ERC2: variants seen among roughly 807,000 people sequenced by gnomAD.
ERC2 encodes ELKS/RAB6-interacting/CAST family member 2.
ERC2 carries 42 observed loss-of-function variants against 114.8 expected under a neutral mutation model. The ratio of observed to expected loss-of-function variants is 0.37; its 90% CI spans 0.29 to 0.47. The LOEUF (loss-of-function observed/expected upper bound fraction) is 0.47. ERC2 is among the 20% of genes least tolerant of loss of function. ERC2 has a pLI of 0.99. For missense variants in ERC2, 939 were observed against 1,150.7 expected (o/e 0.82, Z 2.66); for synonymous variants, 454 against 425.5 (o/e 1.07, Z -0.82).
chr3:56,185,639 T>A (rs1266764256), intron 3 of ERC2, among the ~76,000 whole-genome samples: 1 of 152,206 alleles, frequency 6.6e-6, no homozygotes. Context: ...TTTGGAGGAA[T>A]GTGAATCTTT....
intron 14 of ERC2, among the ~76,000 whole-genome samples, chr3:55,785,134 T>C (rs917914771): frequency 1.2e-4 from 18 of 152,172 alleles, no homozygotes; most frequent in Admixed American, 3.9e-4. Flanking sequence ...GAAGGACATT[T>C]GACCCAAAGG....
At chr3:56,095,968 C>T (rs2078041484) in intron 6 of ERC2, among the ~76,000 whole-genome samples, 2 of 152,160 alleles carry the variant, frequency 1.3e-5, no homozygotes, top group African/African-American at 4.8e-5. Flanking sequence ...TCTTAACCTT[C>T]CACTTACTCA....
At chr3:55,631,634 G>T (rs2059763385) in intron 17 of ERC2, among the ~76,000 whole-genome samples, 1 of 152,210 alleles carries the variant, frequency 6.6e-6, no homozygotes, top group African/African-American at 2.4e-5. Flanking sequence ...AAAGAAGGTT[G>T]AGAAAATTTA....
chr3:56,424,800 AT>A (rs1032295799), intron 2 of ERC2, among the ~76,000 whole-genome samples: 1 of 152,122 alleles, frequency 6.6e-6, no homozygotes, highest in Non-Finnish European at 1.5e-5. Context: ...AGATGGACTC[AT>A]TTTTTTGTCC....
intron 14 of ERC2, among the ~76,000 whole-genome samples, chr3:55,749,562 T>TA (rs1189984891): frequency 6.6e-6 from 1 of 152,134 alleles, no homozygotes; most frequent in East Asian, 1.9e-4. Flanking sequence ...CAGTGCTCTG[T>TA]AAAATGCACC....
intron 7 of ERC2, among the ~76,000 whole-genome samples, chr3:56,049,124 A>G (rs2075631077): frequency 6.6e-6 from 1 of 152,172 alleles, no homozygotes; most frequent in African/African-American, 2.4e-5. Flanking sequence ...GGAGAATGCT[A>G]AGGACCTTTA....
At chr3:56,056,383 G>T (rs944535459) in intron 7 of ERC2, among the ~76,000 whole-genome samples, 1 of 152,136 alleles carries the variant, frequency 6.6e-6, no homozygotes, top group African/African-American at 2.4e-5. Context: ...TGAGAAACAG[G>T]AGAAACCTAC....
chr3:56,296,207 G>T lies in ERC2; in HGVS notation c.886C>A (p.Gln296Lys), dbSNP rs1288284676. The change falls in exon 3 of 18, where the codon CAA becomes AAA. Residue 296 changes from glutamine (Q) to lysine (K), a missense_variant. Transcript: ENST00000288221. ...EMELRIETQK[Q>K]TLNARDESIK... is the part of the protein sequence containing the mutation. The stretch of plus-strand genomic sequence containing the variant: ...GACTCATCTCGGGCATTGAGGGTTT[G>T]TTTCTGCGTTTCAATTCTCAGCTCC... 6.2e-7 allele frequency: 1 copy of T among 1,613,986 alleles called. No individual in the cohort carries two copies. Among genetic ancestry groups the T allele is most frequent in the Non-Finnish European group, 8.5e-7 (1 of 1,179,900 alleles).
chr3:55,784,782 C>A (rs2069349996), intron 14 of ERC2, among the ~76,000 whole-genome samples: 1 of 152,154 alleles, frequency 6.6e-6, no homozygotes, highest in Non-Finnish European at 1.5e-5. Context: ...GGGAGACATG[C>A]CTTTGTCTCT....
At chr3:55,676,947 A>C (rs2061841824) in intron 17 of ERC2, among the ~76,000 whole-genome samples, 1 of 152,140 alleles carries the variant, frequency 6.6e-6, no homozygotes, top group Non-Finnish European at 1.5e-5. Context: ...GGTCATATCT[A>C]AGCCAACATG....
intron 3 of ERC2, among the ~76,000 whole-genome samples, chr3:56,275,804 A>G (rs2053950970): frequency 1.3e-5 from 2 of 152,186 alleles, no homozygotes; most frequent in Admixed American, 1.3e-4. Context: ...ACACCTGGCA[A>G]TGTCTGCAGA....
At chr3:56,120,146 G>A (rs548914156) in intron 6 of ERC2, among the ~76,000 whole-genome samples, 1 of 152,122 alleles carries the variant, frequency 6.6e-6, no homozygotes, top group Non-Finnish European at 1.5e-5. Flanking sequence ...AAGAGAGAGA[G>A]AGAGATTCTA....
intron 17 of ERC2, among the ~76,000 whole-genome samples, chr3:55,517,326 A>G (rs562880513): frequency 6.6e-6 from 1 of 151,708 alleles, no homozygotes; most frequent in African/African-American, 2.4e-5. Context: ...CTGTAATCCC[A>G]GCTACTAGGG....
At chr3:56,414,704 G>A (rs1426193985) in intron 2 of ERC2, among the ~76,000 whole-genome samples, 1 of 147,472 alleles carries the variant, frequency 6.8e-6, no homozygotes, top group Non-Finnish European at 1.5e-5. Flanking sequence ...CACCCAGGGC[G>A]ACAGAGCGAG....
rs558141168 is a variant in ERC2 at position 55,974,619 on chromosome 3, A to G, written c.2267+11358T>C. ...TTCCCCGCAGGGAACCATCTTAAGC[A>G]GGCAGAAGGATGGATGACCGAGGTC... On this transcript the variant is annotated intron_variant, in intron 12 of 17. Coordinates refer to ENST00000288221, the MANE Select transcript of ERC2 (RefSeq NM_015576.3). Among the ~76,000 whole-genome samples the G allele has an allele frequency of 2.0e-4, 30 of 152,286 alleles. No individual in the cohort carries two copies. In the South Asian group the frequency reaches 6.2e-3, roughly 32 times the overall value.
chr3:55,733,464 TCACACACA>T lies in ERC2; in HGVS notation c.2712+1299_2712+1306del, dbSNP rs60980671. On this transcript the variant is annotated intron_variant, in intron 15 of 17. Transcript: ENST00000288221. The stretch of plus-strand genomic sequence containing the variant: ...CTCTGTCTCTCATTCTCTCTCTCTC[TCACACACA>T]CACACACACACACATTCTCTGTCTC... Among the ~76,000 whole-genome samples the T allele has an allele frequency of 6.2e-4, 83 of 134,078 alleles. No homozygotes were observed. The East Asian group carries it at 0.014, about 22-fold the overall frequency. The allele number at this position is 134,078 out of a possible 152,430, so 88.0% of individuals were successfully genotyped here.
At chr3:56,050,618 T>C (rs1238394408) in intron 7 of ERC2, among the ~76,000 whole-genome samples, 2 of 152,134 alleles carry the variant, frequency 1.3e-5, no homozygotes, top group African/African-American at 4.8e-5. Flanking sequence ...TGTCTTCTTT[T>C]CTCCTTTCTC....
intron 12 of ERC2, among the ~76,000 whole-genome samples, chr3:55,974,324 C>T (rs950665181): frequency 2.0e-5 from 3 of 152,138 alleles, no homozygotes; most frequent in African/African-American, 7.2e-5. Context: ...TTATGTGCTG[C>T]CAGCACTCCC....
chr3:56,298,795 T>C (rs986609100), intron 2 of ERC2, among the ~76,000 whole-genome samples: 6 of 152,232 alleles, frequency 3.9e-5, no homozygotes, highest in African/African-American at 1.4e-4. Flanking sequence ...TTTGCACCAC[T>C]TTGTGAATAT....
Sources: allele counts gnomAD v4.1 joint callset (sites outside exome capture counted in the v4.1 genomes callset), GRCh38; gene constraint gnomAD v4.1.1; transcripts MANE v1.5; gene names NCBI Gene and HGNC (gene_info 2026-07-23, HGNC 2026-07-21).